The following SLC24A2 variants were observed in gnomAD, a reference collection of about 807,000 sequenced individuals.
SLC24A2 encodes sodium/potassium/calcium exchanger 2.
SLC24A2 carries 36 observed loss-of-function variants against 62.0 expected under a neutral mutation model. The ratio of observed to expected loss-of-function variants is 0.58; its 90% CI spans 0.44 to 0.77. The LOEUF (loss-of-function observed/expected upper bound fraction) is 0.77, where lower values mean the gene tolerates loss of function less well. Ranked by LOEUF, SLC24A2 falls within the 30% of genes least tolerant of loss-of-function variation. The pLI is 0.00. For synonymous variants in SLC24A2, 358 were observed against 294.0 expected, an observed-to-expected ratio of 1.22 and a Z score of -2.23; for missense variants, 846 against 817.9, an observed-to-expected ratio of 1.03 and a Z score of -0.42.
At chr9:19,778,352 G>A (rs1010223188) in intron 2 of SLC24A2, among the ~76,000 whole-genome samples, 8 of 152,082 alleles carry the variant, frequency 5.3e-5, no homozygotes, top group African/African-American at 1.7e-4. Context: ...TAAAGACTAG[G>A]TTTTTAGAAA....
At chr9:19,539,083 A>T in intron 8 of SLC24A2, among the ~76,000 whole-genome samples, 2 of 71,028 alleles carry the variant, frequency 2.8e-5, no homozygotes, top group Non-Finnish European at 5.5e-5. Flanking sequence ...TGTCTATTTG[A>T]TTCTTCTCTC....
intron 2 of SLC24A2, among the ~76,000 whole-genome samples, chr9:19,736,610 G>C (rs1198932277): frequency 1.3e-5 from 2 of 152,040 alleles, no homozygotes; most frequent in Non-Finnish European, 2.9e-5. Context: ...AGGCTGAAGT[G>C]GGGAGATCAC....
the SLC24A2 span, among the ~76,000 whole-genome samples, chr9:20,108,140 A>G: frequency 6.6e-6 from 1 of 152,252 alleles, no homozygotes; most frequent in Admixed American, 6.5e-5. Flanking sequence ...AAATCAAACC[A>G]CAATGAGATA....
chr9:19,657,031 AGTGGCT>A (rs954812348), intron 2 of SLC24A2, among the ~76,000 whole-genome samples: 22 of 152,178 alleles, frequency 1.4e-4, no homozygotes, highest in African/African-American at 5.1e-4. Context: ...TTCCCTCTGC[AGTGGCT>A]GAATTACTGC....
At chr9:19,583,117 T>A (rs1029677968) in intron 5 of SLC24A2, among the ~76,000 whole-genome samples, 1 of 152,164 alleles carries the variant, frequency 6.6e-6, no homozygotes, top group Non-Finnish European at 1.5e-5. Flanking sequence ...TCTTACTGAT[T>A]CTGTGCAGTG....
intron 2 of SLC24A2, among the ~76,000 whole-genome samples, chr9:19,686,281 T>C (rs545483353): frequency 6.6e-6 from 1 of 151,992 alleles, no homozygotes; most frequent in Admixed American, 6.6e-5. Flanking sequence ...GGTTGCAGAG[T>C]GAAGGGAATG....
chr9:20,299,540 C>T, the SLC24A2 span, among the ~76,000 whole-genome samples: 3 of 152,170 alleles, frequency 2.0e-5, no homozygotes, highest in East Asian at 3.8e-4. Flanking sequence ...GTGACTCTAC[C>T]CCAGTTTGTT....
At chr9:19,975,766 G>A in the SLC24A2 span, among the ~76,000 whole-genome samples, 3 of 149,484 alleles carry the variant, frequency 2.0e-5, no homozygotes, top group African/African-American at 7.4e-5. Flanking sequence ...CTTTTGTTTT[G>A]TTTTGTGGCT....
the SLC24A2 span, among the ~76,000 whole-genome samples, chr9:20,205,955 T>C: frequency 4.6e-5 from 7 of 152,212 alleles, no homozygotes; most frequent in Non-Finnish European, 8.8e-5. Context: ...TGTATTTATA[T>C]CATGACTTCA....
chr9:20,278,829 T>G, the SLC24A2 span, among the ~76,000 whole-genome samples: 1 of 152,160 alleles, frequency 6.6e-6, no homozygotes, highest in African/African-American at 2.4e-5. Flanking sequence ...AGTACCCAAC[T>G]CTACTAGCAC....
Position 19,514,644 on chromosome 9 carries a change from C to G in SLC24A2, c.*1509G>C, listed in dbSNP as rs115374628. On this transcript the variant is annotated 3_prime_UTR_variant, in exon 11 of 11. Coordinates refer to ENST00000341998, the MANE Select transcript of SLC24A2 (RefSeq NM_020344.4). ...GTAATGTTGAGCAAAATCAAGAAATCAAATTGTTGGAGTGAATAGCTTGAA... is the reference window on the plus strand; with the variant it reads ...GTAATGTTGAGCAAAATCAAGAAATGAAATTGTTGGAGTGAATAGCTTGAA... 6.6e-6 allele frequency: 1 copy of G among 152,208 alleles called. No individual in the cohort carries two copies. Among genetic ancestry groups the G allele is most frequent in the South Asian group, 2.1e-4 (1 of 4,816 alleles). 9.4% of individuals were successfully genotyped at this position (152,208 alleles called of 1,614,324 possible). A position where few individuals can be genotyped will look rare whatever the true frequency, so the allele number is the denominator to read the frequency against.
At chr9:19,977,699 A>G in the SLC24A2 span, among the ~76,000 whole-genome samples, 3 of 152,170 alleles carry the variant, frequency 2.0e-5, no homozygotes, top group Admixed American at 6.5e-5. Context: ...TTTGAAGGCA[A>G]TTGTATCTCC....
chr9:20,135,115 A>G, the SLC24A2 span, among the ~76,000 whole-genome samples: 3 of 152,112 alleles, frequency 2.0e-5, no homozygotes, highest in South Asian at 6.2e-4. Context: ...ATAAGACTCA[A>G]ATCCTTCAAG....
the SLC24A2 span, among the ~76,000 whole-genome samples, chr9:20,215,298 T>C: frequency 1.3e-5 from 2 of 152,230 alleles, no homozygotes; most frequent in Admixed American, 1.3e-4. Flanking sequence ...ACCATCACCC[T>C]GGAGGTTAGA....
chr9:20,237,096 A>C, the SLC24A2 span, among the ~76,000 whole-genome samples: 1 of 152,210 alleles, frequency 6.6e-6, no homozygotes, highest in Admixed American at 6.5e-5. Context: ...GGCTCAGGGC[A>C]AGATGGAACC....
chr9:19,558,367 G>GA (rs1835208441), intron 7 of SLC24A2, among the ~76,000 whole-genome samples: 1 of 152,170 alleles, frequency 6.6e-6, no homozygotes, highest in Non-Finnish European at 1.5e-5. Context: ...AAGTTAGGAA[G>GA]AAAGACTTGT....
At chr9:19,950,206 T>C in the SLC24A2 span, among the ~76,000 whole-genome samples, 59 of 152,362 alleles carry the variant, frequency 3.9e-4, no homozygotes, top group African/African-American at 1.3e-3. Flanking sequence ...ATATTAATAA[T>C]ATCTTCCTTA....
the SLC24A2 span, among the ~76,000 whole-genome samples, chr9:20,231,218 C>T: frequency 6.6e-6 from 1 of 152,164 alleles, no homozygotes; most frequent in Non-Finnish European, 1.5e-5. Flanking sequence ...GCGATGCGGG[C>T]TCTTTTTTGG....
At chr9:19,740,438 C>G (rs1821639530) in intron 2 of SLC24A2, among the ~76,000 whole-genome samples, 1 of 152,170 alleles carries the variant, frequency 6.6e-6, no homozygotes, top group African/African-American at 2.4e-5. Flanking sequence ...ATGAATAAAT[C>G]TTACCAACAA....
Sources: allele counts gnomAD v4.1 joint callset (sites outside exome capture counted in the v4.1 genomes callset), GRCh38; gene constraint gnomAD v4.1.1; transcripts MANE v1.5; gene names NCBI Gene and HGNC (gene_info 2026-07-23, HGNC 2026-07-21).